EIF4ENIF1: variants seen among roughly 807,000 people sequenced by gnomAD.
The protein encoded by EIF4ENIF1 is eukaryotic translation initiation factor 4E transporter.
In EIF4ENIF1, 23 loss-of-function variants were observed where a neutral mutation model predicts 110.5. The observed-to-expected ratio is 0.21, with a 90% CI of 0.15 to 0.29. The LOEUF is 0.29. EIF4ENIF1 is among the 10% of genes least tolerant of loss of function. The probability of loss-of-function intolerance (pLI) is 1.00; values close to 1 mark genes in which losing one functional copy is unlikely to be tolerated. For synonymous variants in EIF4ENIF1, 440 were observed against 437.0 expected (o/e 1.01, Z -0.09); for missense variants, 1,031 against 1,221.1 (o/e 0.84, Z 2.32).
intron 2 of EIF4ENIF1, among the ~76,000 whole-genome samples, chr22:31,473,127 C>A (rs1383424745): frequency 1.4e-5 from 2 of 146,902 alleles, no homozygotes; most frequent in South Asian, 4.5e-4. Flanking sequence ...CTCCTAAATA[C>A]TGCAGTGCCT....
At chr22:31,471,501 A>G (rs2051378223) in intron 3 of EIF4ENIF1, among the ~76,000 whole-genome samples, 1 of 152,112 alleles carries the variant, frequency 6.6e-6, no homozygotes, top group Non-Finnish European at 1.5e-5. Context: ...TTTTTAGTAG[A>G]GATGGGGTTT....
At chr22:31,481,170 T>C (rs2051801804) in intron 2 of EIF4ENIF1, among the ~76,000 whole-genome samples, 1 of 150,774 alleles carries the variant, frequency 6.6e-6, no homozygotes, top group Non-Finnish European at 1.5e-5. Context: ...TGAATAATTT[T>C]TTTTTCCTTT....
At chr22:31,464,150 T>C (rs1355083166) in intron 4 of EIF4ENIF1, 183 bp from the exon 5 acceptor site, 4 of 661,200 alleles carry the variant, frequency 6.0e-6, no homozygotes, top group African/African-American at 1.8e-5. Flanking sequence ...GGCTGAGACA[T>C]TGGCCTTCCT....
rs188783042 is a variant in EIF4ENIF1 at position 31,456,434 on chromosome 22, A to G, written c.964-447T>C. Among the ~76,000 whole-genome samples, 708 of 152,056 alleles carry G rather than the reference A, an allele frequency of 4.7e-3. 8 individuals carry two copies. The highest frequency in any genetic ancestry group is 4.6e-3 in the Non-Finnish European group (316 of 67,988). Reference sequence around the variant, plus strand: ...GAGACGGGGTTTTACCGTGTTAGCCAGGATGGTCTCGATCTCCTGACCTTG... The same window carrying G: ...GAGACGGGGTTTTACCGTGTTAGCCGGGATGGTCTCGATCTCCTGACCTTG... On this transcript the variant is annotated intron_variant, in intron 7 of 18. Coordinates refer to ENST00000330125, the MANE Select transcript of EIF4ENIF1 (RefSeq NM_019843.4).
At chr22:31,474,784 T>C (rs983461533) in intron 2 of EIF4ENIF1, among the ~76,000 whole-genome samples, 51 of 152,304 alleles carry the variant, frequency 3.3e-4, no homozygotes, top group African/African-American at 1.2e-3. Context: ...CTTTGAAATA[T>C]TTTTTATAAT....
In EIF4ENIF1 at chr22:31,444,685, T is replaced by TG. The variant is rs768349878; in HGVS notation, c.1993dup (p.Gln665ProfsTer40). 1 of 1,614,064 alleles carries TG rather than the reference T, an allele frequency of 6.2e-7. No homozygotes were observed. ...GGGTGCTGGTGACTTGGTCACTCGCTGTTGCCTGTGAACAAACCAATTATC... is the reference window on the plus strand; with the variant it reads ...GGGTGCTGGTGACTTGGTCACTCGCTGGTTGCCTGTGAACAAACCAATTATC... On this transcript the variant is annotated frameshift_variant, in exon 15 of 19. Coordinates refer to ENST00000330125, the MANE Select transcript of EIF4ENIF1 (RefSeq NM_019843.4). LOFTEE classifies it high-confidence loss of function.
upstream of EIF4ENIF1, among the ~76,000 whole-genome samples, chr22:31,492,963 C>T (rs1238055258): frequency 6.6e-6 from 1 of 151,120 alleles, no homozygotes; most frequent in African/African-American, 2.4e-5. Context: ...AACTCCTGAC[C>T]TCATGATCCG....
intron 3 of EIF4ENIF1, among the ~76,000 whole-genome samples, chr22:31,470,511 C>T (rs62236224): frequency 0.046 from 7,005 of 152,046 alleles, 152 homozygotes; most frequent in African/African-American, 0.054. Flanking sequence ...AAACCCCTGA[C>T]CTTGTGATCT....
chr22:31,481,853 T>C (rs2051827164), intron 2 of EIF4ENIF1, among the ~76,000 whole-genome samples: 1 of 152,186 alleles, frequency 6.6e-6, no homozygotes, highest in South Asian at 2.1e-4. Context: ...TAATGCCACT[T>C]TGTAACTAGT....
chr22:31,442,856 G>T, intron 16 of EIF4ENIF1, 106 bp downstream of exon 16: 1 of 1,427,744 alleles, frequency 7.0e-7, no homozygotes, highest in Non-Finnish European at 9.5e-7. Context: ...GAAGCTAGTG[G>T]TCTTGCCCAG....
upstream of EIF4ENIF1, among the ~76,000 whole-genome samples, chr22:31,491,256 A>C (rs980936002): frequency 3.3e-5 from 5 of 152,238 alleles, no homozygotes; most frequent in African/African-American, 1.2e-4. Context: ...TTTTAAGCCT[A>C]TACAGAGACA....
rs1000046900 is a variant in EIF4ENIF1 at position 31,449,137 on chromosome 22, C to T, written c.1768+211G>A. Among the ~76,000 whole-genome samples the T allele has an allele frequency of 3.9e-5, 6 of 152,162 alleles. No individual in the cohort carries two copies. The South Asian group carries it at 6.2e-4, about 16-fold the overall frequency. On this transcript the variant is annotated intron_variant, in intron 12 of 18. Transcript: ENST00000330125. ...GCGATTCTCCTGTCTCAGCCTCCTG[C>T]GTAGCTGGGATTACAGGCATGCACC...
intron 12 of EIF4ENIF1, among the ~76,000 whole-genome samples, chr22:31,449,074 G>A (rs937053051): frequency 1.3e-5 from 2 of 152,164 alleles, no homozygotes; most frequent in Admixed American, 6.5e-5. Flanking sequence ...ACAGTGGCGT[G>A]ATCTTGGCTC....
intron 12 of EIF4ENIF1, 50 bp from the exon 13 acceptor site, chr22:31,448,282 A>G (rs754854941): frequency 6.3e-7 from 1 of 1,578,924 alleles, no homozygotes; most frequent in Admixed American, 1.7e-5. Context: ...TGTGTGCATC[A>G]GGGAGGCATT....
At chr22:31,446,359 CTA>C (rs2050477436) in intron 14 of EIF4ENIF1, among the ~76,000 whole-genome samples, 2 of 150,808 alleles carry the variant, frequency 1.3e-5, no homozygotes, top group South Asian at 4.2e-4. Context: ...CTGCATTATG[CTA>C]TAGACAGAAA....
intron 7 of EIF4ENIF1, among the ~76,000 whole-genome samples, chr22:31,456,272 G>GCA: frequency 6.9e-6 from 1 of 145,304 alleles, no homozygotes; most frequent in South Asian, 2.2e-4. Context: ...CACCCAGGCT[G>GCA]GAGTGCAGTG....
At chr22:31,463,270 C>A (rs768924891) in intron 5 of EIF4ENIF1, 137 bp from the exon 6 acceptor site, 130 of 765,432 alleles carry the variant, frequency 1.7e-4, no homozygotes, top group Non-Finnish European at 2.6e-4. Context: ...CACCCCCACC[C>A]CTTCCTCCCT....
downstream of EIF4ENIF1, chr22:31,437,888 A>G (rs934489912): frequency 6.6e-6 from 1 of 152,224 alleles, no homozygotes; most frequent in African/African-American, 2.4e-5. Context: ...GAGGAATCAC[A>G]TGGAGTGAAT....
chr22:31,456,222 ACT>A (rs1491124606), intron 7 of EIF4ENIF1, among the ~76,000 whole-genome samples: 23 of 139,438 alleles, frequency 1.6e-4, no homozygotes, highest in African/African-American at 5.4e-4. Flanking sequence ...ATTTTTTATT[ACT>A]TTTTTTTTTT....
Sources: gnomAD v4.1 joint callset for allele counts (sites outside exome capture counted in the v4.1 genomes callset) on GRCh38, gnomAD v4.1.1 for gene constraint, MANE v1.5 for transcripts, NCBI Gene and HGNC (gene_info 2026-07-23, HGNC 2026-07-21) for gene names.